Variants in CNBD1 observed in about 807,000 individuals in gnomAD.
CNBD1 encodes cyclic nucleotide binding domain containing 1.
A neutral mutation model predicts 54.4 loss-of-function variants in CNBD1; 71 were observed. That is an observed-to-expected ratio of 1.30 (90% CI 1.08 to 1.59). The LOEUF is 1.59. Ranked by LOEUF, CNBD1 falls within the 40% of genes most tolerant of loss-of-function variation. The pLI, the probability that CNBD1 is intolerant of heterozygous loss-of-function variation, is 0.00. For missense variants in CNBD1, 659 were observed against 518.0 expected, an observed-to-expected ratio of 1.27 and a Z score of -2.64; for synonymous variants, 182 against 170.7, an observed-to-expected ratio of 1.07 and a Z score of -0.51.
At chr8:86,945,925 A>G (rs1046819933) in intron 4 of CNBD1, among the ~76,000 whole-genome samples, 1 of 152,210 alleles carries the variant, frequency 6.6e-6, no homozygotes, top group African/African-American at 2.4e-5. Flanking sequence ...ACATGTTGCA[A>G]AATGCCTGGC....
At chr8:87,216,597 A>C (rs1814216581) in intron 5 of CNBD1, among the ~76,000 whole-genome samples, 1 of 152,166 alleles carries the variant, frequency 6.6e-6, no homozygotes, top group South Asian at 2.1e-4. Context: ...CCTTTGATAG[A>C]CAATCCTCTT....
chr8:87,411,901 A>G (rs913525966), intron 2 of CNBD1, among the ~76,000 whole-genome samples: 3 of 152,004 alleles, frequency 2.0e-5, no homozygotes, highest in South Asian at 2.1e-4. Flanking sequence ...TTGTTTAAAC[A>G]GTAAGCAATT....
chr8:87,415,131 C>A (rs1683469380), intron 2 of CNBD1, among the ~76,000 whole-genome samples: 1 of 152,072 alleles, frequency 6.6e-6, no homozygotes. Flanking sequence ...TGCTTTACCA[C>A]ATGTACATTG....
chr8:86,958,540 AG>A (rs1807839659), intron 4 of CNBD1, among the ~76,000 whole-genome samples: 1 of 152,236 alleles, frequency 6.6e-6, no homozygotes, highest in Non-Finnish European at 1.5e-5. Flanking sequence ...TATTTAGGGT[AG>A]TTAGCTCTTC....
At chr8:87,169,430 C>T (rs774656791) in intron 4 of CNBD1, among the ~76,000 whole-genome samples, 33 of 152,020 alleles carry the variant, frequency 2.2e-4, no homozygotes, top group Non-Finnish European at 4.6e-4. Context: ...CGTTTGTCCA[C>T]TTTTGCTTTG....
chr8:87,368,994 C>T (rs191638975), intron 10 of CNBD1, among the ~76,000 whole-genome samples: 2 of 152,098 alleles, frequency 1.3e-5, no homozygotes, highest in East Asian at 3.9e-4. Context: ...AGGAATCAAA[C>T]CCTAACACTC....
chr8:87,313,741 T>G (rs1160343229), intron 8 of CNBD1, among the ~76,000 whole-genome samples: 1 of 151,880 alleles, frequency 6.6e-6, no homozygotes, highest in African/African-American at 2.4e-5. Context: ...TTACAATTAC[T>G]TGTTCTTAAA....
At chr8:87,248,333 AG>A (rs1345788009) in intron 6 of CNBD1, among the ~76,000 whole-genome samples, 2 of 152,212 alleles carry the variant, frequency 1.3e-5, no homozygotes, top group Non-Finnish European at 1.5e-5. Context: ...CTCTCCTAAA[AG>A]TTCACAATGG....
intron 4 of CNBD1, among the ~76,000 whole-genome samples, chr8:87,032,232 G>T (rs929811943): frequency 7.2e-5 from 11 of 152,114 alleles, no homozygotes; most frequent in African/African-American, 2.7e-4. Flanking sequence ...AACAATGTGG[G>T]GGGTAGGGGC....
chr8:87,156,621 A>T (rs1453126914), intron 4 of CNBD1, among the ~76,000 whole-genome samples: 1 of 151,982 alleles, frequency 6.6e-6, no homozygotes, highest in Admixed American at 6.6e-5. Context: ...GTGGTTTGCT[A>T]TTTTAATTAT....
At chr8:87,261,310 G>A (rs1808136139) in intron 6 of CNBD1, among the ~76,000 whole-genome samples, 2 of 152,058 alleles carry the variant, frequency 1.3e-5, no homozygotes. Context: ...AATGGGTCCT[G>A]CAGGTACCTT....
At chr8:87,406,956 C>T (rs1047499006) in intron 2 of CNBD1, among the ~76,000 whole-genome samples, 1 of 151,950 alleles carries the variant, frequency 6.6e-6, no homozygotes, top group Non-Finnish European at 1.5e-5. Context: ...GGAAGTTATC[C>T]TTTATAGTTT....
intron 6 of CNBD1, among the ~76,000 whole-genome samples, chr8:87,240,556 T>G (rs1000664368): frequency 6.6e-6 from 1 of 152,174 alleles, no homozygotes; most frequent in Non-Finnish European, 1.5e-5. Flanking sequence ...ATTTTCAAAC[T>G]TTCATGCTTG....
chr8:87,293,407 A>G (rs1808820550), intron 8 of CNBD1, among the ~76,000 whole-genome samples: 1 of 151,922 alleles, frequency 6.6e-6, no homozygotes, highest in African/African-American at 2.4e-5. Context: ...AGCCAGGCAC[A>G]GTGGCAGGCG....
intron 10 of CNBD1, among the ~76,000 whole-genome samples, chr8:87,360,692 A>G (rs114352796): frequency 6.6e-6 from 1 of 151,922 alleles, no homozygotes; most frequent in Non-Finnish European, 1.5e-5. Flanking sequence ...TGAATTACTG[A>G]TGTTTTTTAT....
At chr8:87,157,914 C>T (rs1203031407) in intron 4 of CNBD1, among the ~76,000 whole-genome samples, 2 of 152,138 alleles carry the variant, frequency 1.3e-5, no homozygotes, top group African/African-American at 2.4e-5. Flanking sequence ...AGAGAACCCA[C>T]ATATTCTTGT....
Position 87,129,287 on chromosome 8 carries a change from C to A in CNBD1, c.432-76706C>A, listed in dbSNP as rs151280808. 5.5e-4 allele frequency among the ~76,000 whole-genome samples: 83 copies of A among 152,028 alleles called. 1 individual carries two copies. Among genetic ancestry groups the A allele is most frequent in the Non-Finnish European group, 2.4e-4 (16 of 67,970 alleles). On this transcript the variant is annotated intron_variant, in intron 4 of 10. Transcript: ENST00000518476. Reference sequence around the variant, plus strand: ...TTGGTAGGGTTTACCAGAAAGCCATCTGGGCCAAAAGTCGTCTTTGTGGGA... The same window carrying A: ...TTGGTAGGGTTTACCAGAAAGCCATATGGGCCAAAAGTCGTCTTTGTGGGA...
intron 10 of CNBD1, among the ~76,000 whole-genome samples, chr8:87,373,244 T>C (rs1222152744): frequency 6.6e-6 from 1 of 151,832 alleles, no homozygotes; most frequent in Non-Finnish European, 1.5e-5. Flanking sequence ...ATGATACTTC[T>C]ACTGACCCAA....
At chr8:87,225,518 T>C (rs549619489) in intron 5 of CNBD1, among the ~76,000 whole-genome samples, 13 of 150,738 alleles carry the variant, frequency 8.6e-5, no homozygotes, top group Middle Eastern at 3.2e-3. Context: ...TTGTCTTTGG[T>C]TCTGTTTATA....
Sources: gnomAD v4.1 joint callset for allele counts (sites outside exome capture counted in the v4.1 genomes callset) on GRCh38, gnomAD v4.1.1 for gene constraint, MANE v1.5 for transcripts, NCBI Gene and HGNC (gene_info 2026-07-23, HGNC 2026-07-21) for gene names.